The following CARS2 variants were observed in gnomAD, a reference collection of about 807,000 sequenced individuals.
The protein encoded by CARS2 is probable cysteine--tRNA ligase, mitochondrial.
In CARS2, 52 loss-of-function variants were observed where a neutral mutation model predicts 68.8. The ratio of observed to expected loss-of-function variants is 0.76; its 90% CI spans 0.61 to 0.95. The LOEUF (loss-of-function observed/expected upper bound fraction) is 0.95. Among genes scored for constraint, CARS2 ranks in the 40% least tolerant of loss-of-function variants. The pLI, the probability that CARS2 is intolerant of heterozygous loss-of-function variation, is 0.00. For missense variants in CARS2, 780 were observed against 754.2 expected (o/e 1.03, Z -0.40); for synonymous variants, 314 against 303.6 (o/e 1.03, Z -0.36).
At chr13:110,678,427 C>T (rs1032599329) in intron 6 of CARS2, among the ~76,000 whole-genome samples, 1 of 152,150 alleles carries the variant, frequency 6.6e-6, no homozygotes, top group African/African-American at 2.4e-5. Context: ...CCAATATCAC[C>T]CTTTCCACCC....
intron 6 of CARS2, chr13:110,677,961 C>T (rs2063016459): frequency 6.5e-6 from 1 of 152,752 alleles, no homozygotes; most frequent in African/African-American, 2.4e-5. Flanking sequence ...GAAGCCCCTC[C>T]AGCCGCCAGT....
chr13:110,644,675 GGAA>G, intron 12 of CARS2, 192 bp from the exon 13 acceptor site: 1 of 953,062 alleles, frequency 1.0e-6, no homozygotes, highest in Non-Finnish European at 1.5e-6. Flanking sequence ...AGGTGCATGA[GGAA>G]TCTCTTGTGC....
At chr13:110,689,567 T>C (rs531311803) in intron 3 of CARS2, among the ~76,000 whole-genome samples, 13 of 152,326 alleles carry the variant, frequency 8.5e-5, no homozygotes, top group African/African-American at 2.9e-4. Flanking sequence ...GGCAAATCAA[T>C]AATCAAACCT....
upstream of CARS2, among the ~76,000 whole-genome samples, chr13:110,709,075 CTTTT>C (rs1159044274): frequency 6.9e-6 from 1 of 145,734 alleles, no homozygotes; most frequent in Non-Finnish European, 1.5e-5. Context: ...TCTCTTTTCT[CTTTT>C]TTCTTTTTTT....
chr13:110,693,867 G>A (rs769104392), intron 3 of CARS2, among the ~76,000 whole-genome samples: 44 of 152,008 alleles, frequency 2.9e-4, no homozygotes, highest in Non-Finnish European at 6.2e-4. Flanking sequence ...ATCTCTCCAG[G>A]ACAGGAGCCC....
chr13:110,692,129 T>C (rs1194902148), intron 3 of CARS2, among the ~76,000 whole-genome samples: 2 of 139,752 alleles, frequency 1.4e-5, no homozygotes, highest in East Asian at 1.9e-4. Context: ...CACATATATA[T>C]ACATATATAT....
intron 3 of CARS2, among the ~76,000 whole-genome samples, chr13:110,693,973 A>G (rs2063549633): frequency 6.6e-6 from 1 of 151,998 alleles, no homozygotes; most frequent in Admixed American, 6.6e-5. Context: ...ACAAAAAGAG[A>G]AACTTTGGCT....
chr13:110,680,259 G>C (rs1028613484), intron 6 of CARS2, among the ~76,000 whole-genome samples: 1 of 151,970 alleles, frequency 6.6e-6, no homozygotes, highest in Non-Finnish European at 1.5e-5. Context: ...GGGTGTGGTG[G>C]CATGCCCCTG....
intron 11 of CARS2, chr13:110,646,677 G>C (rs1237296471): frequency 5.7e-6 from 1 of 174,318 alleles, no homozygotes; most frequent in Non-Finnish European, 1.2e-5. Context: ...GGACTGGGAG[G>C]GATGAGCAGC....
intron 6 of CARS2, among the ~76,000 whole-genome samples, chr13:110,681,887 AG>A (rs912246693): frequency 5.3e-5 from 8 of 152,220 alleles, no homozygotes; most frequent in African/African-American, 1.9e-4. Flanking sequence ...TAGAGACTGT[AG>A]AAAGACCAGT....
intron 9 of CARS2, among the ~76,000 whole-genome samples, chr13:110,662,318 T>C (rs566813730): frequency 0.21 from 30,388 of 147,612 alleles, 3,511 homozygotes; most frequent in Admixed American, 0.3. Flanking sequence ...CATGGCCGGC[T>C]TCGGACCCCC....
rs559657986 is a variant in CARS2, at chr13:110,676,632, G to A, written c.785+342C>T. On this transcript the variant is annotated intron_variant, in intron 7 of 14. Transcript: ENST00000257347. This position sits in a 1 kb window ranked among gnomAD's most constrained non-coding sequence, Gnocchi z 4.0. ...GGAGAGGGATTTGGGGGCTAGAGAA[G>A]TGCGAAGCGAGGAGGGATGTAGGTG... Among the ~76,000 whole-genome samples, 11 of 152,210 alleles carry A rather than the reference G, an allele frequency of 7.2e-5. No homozygotes were observed. The highest frequency in any genetic ancestry group is 2.6e-4 in the African/African-American group (11 of 41,518).
chr13:110,667,583 C>A (rs1234754184), intron 7 of CARS2, 110 bp from the exon 8 acceptor site: 11 of 941,186 alleles, frequency 1.2e-5, no homozygotes, highest in Non-Finnish European at 1.7e-5. Flanking sequence ...ATAAATGGAT[C>A]TCAGTTTTGC....
intron 1 of CARS2, chr13:110,713,045 C>A (rs780995694): frequency 1.4e-6 from 2 of 1,468,610 alleles, no homozygotes; most frequent in East Asian, 5.0e-5. Context: ...GCGCATGCGC[C>A]GCCACTTCCG....
chr13:110,705,972 G>T lies in CARS2; in HGVS notation c.122C>A (p.Ala41Asp). 1 of 1,515,726 alleles carries T rather than the reference G, an allele frequency of 6.6e-7. No individual in the cohort carries two copies. The highest frequency in any genetic ancestry group is 8.8e-7 in the Non-Finnish European group (1 of 1,136,046). 93.9% of individuals were successfully genotyped at this position (1,515,726 alleles called of 1,614,324 possible). A position where few individuals can be genotyped will look rare whatever the true frequency, so the allele number is the denominator to read the frequency against. The change falls in exon 1 of 15, where the codon GCC becomes GAC. Residue 41 changes from alanine (A) to aspartate (D), a missense_variant. By Grantham distance (126) the Ala-to-Asp change is moderately radical. Transcript: ENST00000257347. This position sits in a 1 kb window ranked among gnomAD's most constrained non-coding sequence, Gnocchi z 4.0. ...GRAASGGRGR[A>D]WLQPTGRETG... ...CTCCCGGCCCGTGGGCTGCAGCCAG[G>T]CCCGCCCGCGCCCCCCGCTCGCCGC...
intron 7 of CARS2, among the ~76,000 whole-genome samples, chr13:110,672,053 A>G (rs1378354812): frequency 6.6e-6 from 1 of 152,240 alleles, no homozygotes; most frequent in African/African-American, 2.4e-5. Flanking sequence ...AGGAGCACCC[A>G]GATTCATAAA....
intron 3 of CARS2, among the ~76,000 whole-genome samples, chr13:110,694,839 G>GA (rs1566341244): frequency 6.6e-6 from 1 of 152,104 alleles, no homozygotes. Context: ...CAGATGGCAC[G>GA]AAAGATATTG....
chr13:110,666,248 G>A, intron 8 of CARS2: 1 of 985,408 alleles, frequency 1.0e-6, no homozygotes, highest in Non-Finnish European at 1.2e-6. Flanking sequence ...TGAAACGGAA[G>A]TGAGGGCGGC....
chr13:110,702,506 A>G (rs2063816311), intron 2 of CARS2, among the ~76,000 whole-genome samples: 1 of 152,230 alleles, frequency 6.6e-6, no homozygotes, highest in Non-Finnish European at 1.5e-5. Context: ...ATGCTCCTTC[A>G]TTCACCTCAA....
Sources: allele counts gnomAD v4.1 joint callset (sites outside exome capture counted in the v4.1 genomes callset), GRCh38; gene constraint gnomAD v4.1.1; non-coding constraint Gnocchi (gnomAD v3.1); transcripts MANE v1.5; gene names NCBI Gene and HGNC (gene_info 2026-07-23, HGNC 2026-07-21).